Variants in SNTG2 observed in about 807,000 individuals in gnomAD.
The protein encoded by SNTG2 is syntrophin gamma 2.
SNTG2 carries 74 observed loss-of-function variants against 70.9 expected under a neutral mutation model. The observed-to-expected ratio is 1.04, with a 90% CI of 0.86 to 1.27. SNTG2 has a LOEUF of 1.27. Among genes scored for constraint, SNTG2 ranks in the 50% most tolerant of loss-of-function variants. The probability of loss-of-function intolerance (pLI) is 0.00; values close to 1 mark genes in which losing one functional copy is unlikely to be tolerated. For synonymous variants in SNTG2, 278 were observed against 273.8 expected (o/e 1.02, Z -0.15); for missense variants, 717 against 690.7 (o/e 1.04, Z -0.43).
intron 16 of SNTG2, among the ~76,000 whole-genome samples, chr2:1,352,038 A>C (rs1660607666): frequency 6.6e-6 from 1 of 152,180 alleles, no homozygotes; most frequent in Non-Finnish European, 1.5e-5. Flanking sequence ...GCAGAGTGGT[A>C]CCAGCAGAGT....
At chr2:1,330,270 C>A (rs1558212334) in intron 16 of SNTG2, among the ~76,000 whole-genome samples, 1 of 152,134 alleles carries the variant, frequency 6.6e-6, no homozygotes, top group Non-Finnish European at 1.5e-5. Context: ...ACAAATAATT[C>A]AAATTAATTC....
chr2:1,290,317 C>CTTTTTTTT (rs34782770), intron 14 of SNTG2, among the ~76,000 whole-genome samples: 1 of 144,438 alleles, frequency 6.9e-6, no homozygotes, highest in African/African-American at 2.6e-5. Context: ...GTTCTACATC[C>CTTTTTTTT]TTTTTTTTTT....
At chr2:1,070,495 C>T (rs1224239720) in intron 1 of SNTG2, among the ~76,000 whole-genome samples, 4 of 152,152 alleles carry the variant, frequency 2.6e-5, no homozygotes, top group African/African-American at 7.2e-5. Context: ...ATACATGCTA[C>T]TCATATTATT....
chr2:1,327,229 A>G (rs575221750), intron 16 of SNTG2, among the ~76,000 whole-genome samples: 2 of 152,238 alleles, frequency 1.3e-5, no homozygotes, highest in Admixed American at 6.5e-5. Flanking sequence ...ATAATCTTAG[A>G]AACATAGGCT....
intron 4 of SNTG2, among the ~76,000 whole-genome samples, chr2:1,100,567 G>T (rs1665722710): frequency 6.6e-6 from 1 of 152,322 alleles, no homozygotes; most frequent in East Asian, 1.9e-4. Context: ...GCAGGGCCCA[G>T]TGCTTTGGCT....
At chr2:1,281,939 G>A (rs79823010) in intron 14 of SNTG2, among the ~76,000 whole-genome samples, 1 of 152,110 alleles carries the variant, frequency 6.6e-6, no homozygotes, top group African/African-American at 2.4e-5. Flanking sequence ...ATGGGCTCAC[G>A]GCCGAGCCTT....
chr2:1,096,044 C>G (rs762286287), intron 2 of SNTG2, among the ~76,000 whole-genome samples: 3 of 152,178 alleles, frequency 2.0e-5, no homozygotes, highest in Non-Finnish European at 2.9e-5. Flanking sequence ...AGTCCACATT[C>G]ATTGTGAGAT....
chr2:1,129,506 T>C (rs1667895519), intron 4 of SNTG2, among the ~76,000 whole-genome samples: 1 of 152,246 alleles, frequency 6.6e-6, no homozygotes, highest in South Asian at 2.1e-4. Flanking sequence ...TTCATCACGG[T>C]TGTCTCATCT....
At chr2:1,222,127 C>CTCTCTCTG (rs1675229116) in intron 9 of SNTG2, among the ~76,000 whole-genome samples, 2 of 115,410 alleles carry the variant, frequency 1.7e-5, no homozygotes, top group Admixed American at 9.1e-5. Flanking sequence ...CTCTCTCTGT[C>CTCTCTCTG]TCTCTCTGTC....
At chr2:1,242,007 C>T (rs1416307633) in intron 11 of SNTG2, among the ~76,000 whole-genome samples, 1 of 152,158 alleles carries the variant, frequency 6.6e-6, no homozygotes, top group Non-Finnish European at 1.5e-5. Flanking sequence ...GTCCTTTTTA[C>T]AACCTTAAAA....
chr2:1,082,964 A>G (rs991084681), intron 1 of SNTG2, among the ~76,000 whole-genome samples: 3 of 152,146 alleles, frequency 2.0e-5, no homozygotes, highest in African/African-American at 7.2e-5. Context: ...CAGGAACAAC[A>G]GGCCTGGCCT....
intron 9 of SNTG2, among the ~76,000 whole-genome samples, chr2:1,221,868 TCTCTC>T (rs1674984945): frequency 2.9e-5 from 1 of 34,388 alleles, no homozygotes; most frequent in African/African-American, 2.1e-4. Flanking sequence ...TGTCTCTGTC[TCTCTC>T]TCTCTCTGTC....
intron 12 of SNTG2, among the ~76,000 whole-genome samples, chr2:1,249,001 G>C (rs1015601372): frequency 6.6e-6 from 1 of 152,214 alleles, no homozygotes; most frequent in African/African-American, 2.4e-5. Flanking sequence ...GATGCTCCGA[G>C]TGCTGGTAGC....
chr2:991,088 C>T (rs1465614710), intron 1 of SNTG2, among the ~76,000 whole-genome samples: 1 of 152,044 alleles, frequency 6.6e-6, no homozygotes, highest in African/African-American at 2.4e-5. Context: ...TATATCTGGT[C>T]ACACTACAGA....
At chr2:1,076,976 A>T (rs1302065905) in intron 1 of SNTG2, among the ~76,000 whole-genome samples, 2 of 152,146 alleles carry the variant, frequency 1.3e-5, no homozygotes, top group Non-Finnish European at 2.9e-5. Context: ...TACGTACGTA[A>T]TTCTTAATAT....
At chr2:998,618 G>A (rs1661771457) in intron 1 of SNTG2, among the ~76,000 whole-genome samples, 2 of 151,716 alleles carry the variant, frequency 1.3e-5, no homozygotes, top group South Asian at 2.1e-4. Context: ...AAAATTTAAG[G>A]CCTTTAAAGA....
At chr2:1,300,868 T>C (rs767547745) in intron 14 of SNTG2, among the ~76,000 whole-genome samples, 6 of 152,232 alleles carry the variant, frequency 3.9e-5, no homozygotes, top group Non-Finnish European at 5.9e-5. Flanking sequence ...AAAGCTATTT[T>C]AATCTTTATT....
At chr2:1,028,142 G>A (rs988437344) in intron 1 of SNTG2, among the ~76,000 whole-genome samples, 4 of 150,962 alleles carry the variant, frequency 2.6e-5, no homozygotes, top group Non-Finnish European at 5.9e-5. Context: ...AGATAAGCAG[G>A]TGCATCACTG....
At chr2:1,027,426 C>T (rs377715612) in intron 1 of SNTG2, among the ~76,000 whole-genome samples, 1 of 150,834 alleles carries the variant, frequency 6.6e-6, no homozygotes, top group South Asian at 2.1e-4. Flanking sequence ...TAAGCAGGTG[C>T]GTCTGACCCA....
Sources: allele counts gnomAD v4.1 joint callset (sites outside exome capture counted in the v4.1 genomes callset), GRCh38; gene constraint gnomAD v4.1.1; transcripts MANE v1.5; gene names NCBI Gene and HGNC (gene_info 2026-07-23, HGNC 2026-07-21).